Variants in BLOC1S2 observed in about 807,000 individuals in gnomAD.
BLOC1S2 encodes the protein biogenesis of lysosome-related organelles complex 1 subunit 2.
A neutral mutation model predicts 19.6 loss-of-function variants in BLOC1S2; 12 were observed. That is an observed-to-expected ratio of 0.61 (90% CI 0.39 to 0.99). The LOEUF is 0.99. BLOC1S2 is among the 50% of genes least tolerant of loss of function. The probability of loss-of-function intolerance (pLI) is 0.00; values close to 1 mark genes in which losing one functional copy is unlikely to be tolerated. For synonymous variants in BLOC1S2, 66 were observed against 64.1 expected, an observed-to-expected ratio of 1.03 and a Z score of -0.14; for missense variants, 142 against 171.0, an observed-to-expected ratio of 0.83 and a Z score of 0.95.
In BLOC1S2 at chr10:100,276,476, C is replaced by G. The variant is rs1394730812; in HGVS notation, c.398-983G>C. Reference sequence around the variant, plus strand: ...CTCTCCCTCTCCCGTCTCCCTCTCCCTCTCCCGTCTCCCTCTCCCTCTCCC... The same window carrying G: ...CTCTCCCTCTCCCGTCTCCCTCTCCGTCTCCCGTCTCCCTCTCCCTCTCCC... On this transcript the variant is annotated intron_variant, in intron 4 of 4. Coordinates refer to ENST00000370372, the MANE Select transcript of BLOC1S2 (RefSeq NM_173809.5). Among the ~76,000 whole-genome samples, 54 of 109,682 alleles carry G rather than the reference C, an allele frequency of 4.9e-4. 1 individual carries two copies. Among genetic ancestry groups the G allele is most frequent in the Admixed American group, 2.4e-3 (25 of 10,276 alleles). The allele number at this position is 109,682 out of a possible 152,430, so 72.0% of individuals were successfully genotyped here.
intron 2 of BLOC1S2, among the ~76,000 whole-genome samples, chr10:100,285,384 C>T (rs1183141069): frequency 6.6e-6 from 1 of 152,182 alleles, no homozygotes; most frequent in African/African-American, 2.4e-5. Context: ...GCCCCAGTCT[C>T]CCCAGTAGCT....
At chr10:100,282,221 T>A (rs1237765213) in intron 2 of BLOC1S2, among the ~76,000 whole-genome samples, 3 of 152,256 alleles carry the variant, frequency 2.0e-5, no homozygotes, top group Non-Finnish European at 4.4e-5. Context: ...ACTCTCTCTA[T>A]TCTGCTACAT....
At chr10:100,276,889 A>C (rs1218497921) in intron 4 of BLOC1S2, among the ~76,000 whole-genome samples, 1 of 152,160 alleles carries the variant, frequency 6.6e-6, no homozygotes, top group South Asian at 2.1e-4. Flanking sequence ...TGGCCCCCCC[A>C]AAGTGCGGAG....
intron 1 of BLOC1S2, 162 bp downstream of exon 1, chr10:100,286,443 T>A (rs1848243353): frequency 6.8e-7 from 1 of 1,474,882 alleles, no homozygotes; most frequent in African/African-American, 1.4e-5. Flanking sequence ...CCTGGCACCA[T>A]CCCAGTCACC....
At position 100,279,694 on chromosome 10, in the gene BLOC1S2, C is replaced by T. The variant is rs139260404; in HGVS notation, c.397+430G>A. Reference sequence around the variant, plus strand: ...GGGAGATCGAGACCAGCCTGACCAACATGAGAGACCCTGTCTCTACTAAAA... The same window carrying T: ...GGGAGATCGAGACCAGCCTGACCAATATGAGAGACCCTGTCTCTACTAAAA... On this transcript the variant is annotated intron_variant, in intron 4 of 4. Coordinates refer to ENST00000370372, the MANE Select transcript of BLOC1S2 (RefSeq NM_173809.5). 2.8e-3 allele frequency among the ~76,000 whole-genome samples: 420 copies of T among 152,250 alleles called. 2 individuals carry two copies. Among genetic ancestry groups the T allele is most frequent in the African/African-American group, 9.8e-3 (407 of 41,532 alleles).
In BLOC1S2 at chr10:100,277,071, C is replaced by A. The variant is rs1258316819; in HGVS notation, c.398-1578G>T. On this transcript the variant is annotated intron_variant, in intron 4 of 4. Coordinates refer to ENST00000370372, the MANE Select transcript of BLOC1S2 (RefSeq NM_173809.5). ...CTGGGAAGTGAGGAGCGCCTCCTCC[C>A]GGCCGCCATCCCATCTAGGAAGTGA... Among the ~76,000 whole-genome samples, 219 of 151,316 alleles carry A rather than the reference C, an allele frequency of 1.4e-3. 1 individual carries two copies. Among genetic ancestry groups the A allele is most frequent in the African/African-American group, 5.1e-3 (211 of 41,168 alleles).
rs555358728 is a variant in BLOC1S2, at chr10:100,275,790, C to A, written c.398-297G>T. ...GGGGCACATCTGTCACTTGACCTAT[C>A]GGGAGCCTTACTAAAAAACTGCCTC... is the stretch of plus-strand genomic sequence containing the variant. On this transcript the variant is annotated intron_variant, in intron 4 of 4. Transcript: ENST00000370372. Among the ~76,000 whole-genome samples the A allele has an allele frequency of 4.6e-5, 7 of 152,298 alleles. 1 individual carries two copies. Among genetic ancestry groups the A allele is most frequent in the African/African-American group, 1.7e-4 (7 of 41,560 alleles).
At chr10:100,280,574 GA>G (rs1487296724) in intron 3 of BLOC1S2, among the ~76,000 whole-genome samples, 4 of 152,114 alleles carry the variant, frequency 2.6e-5, no homozygotes, top group African/African-American at 9.7e-5. Flanking sequence ...TAAGTCAATG[GA>G]AAAAATATAT....
At chr10:100,282,315 T>C (rs1418552463) in intron 2 of BLOC1S2, among the ~76,000 whole-genome samples, 1 of 152,244 alleles carries the variant, frequency 6.6e-6, no homozygotes, top group Non-Finnish European at 1.5e-5. Flanking sequence ...ATCCTCTTCC[T>C]TACCATTTAC....
chr10:100,280,846 G>A lies in BLOC1S2; in HGVS notation c.292+88C>T, dbSNP rs894263747. Reference sequence around the variant, plus strand: ...AGAAAACAAGCTCCCACAAGACAAGGATGTCATGTTCCCTCCTCTTCTCCA... The same window carrying A: ...AGAAAACAAGCTCCCACAAGACAAGAATGTCATGTTCCCTCCTCTTCTCCA... On this transcript the variant is annotated intron_variant, in intron 3 of 4. Coordinates refer to ENST00000370372, the MANE Select transcript of BLOC1S2 (RefSeq NM_173809.5). 3 of 1,424,394 alleles carry A rather than the reference G, an allele frequency of 2.1e-6. No individual in the cohort carries two copies. In the African/African-American group the frequency reaches 4.4e-5, roughly 21 times the overall value. 88.2% of individuals were successfully genotyped at this position (1,424,394 alleles called of 1,614,324 possible).
intron 3 of BLOC1S2, 76 bp from the exon 4 acceptor site, chr10:100,280,304 T>C: frequency 7.6e-7 from 1 of 1,310,534 alleles, no homozygotes; most frequent in Non-Finnish European, 1.1e-6. Context: ...GGAAAAGTAA[T>C]AATGCTAGTG....
Position 100,273,411 on chromosome 10 carries a change from G to T in BLOC1S2, c.*2051C>A, listed in dbSNP as rs1266692418. ...TAAAAAAACTCATCCATTAAATTCT[G>T]TATTATCTTTGCAACTTTCCCGTAA... On this transcript the variant is annotated 3_prime_UTR_variant, in exon 5 of 5. Transcript: ENST00000370372. The T allele has an allele frequency of 1.3e-5, 2 of 152,064 alleles. No homozygotes were observed. The highest frequency in any genetic ancestry group is 2.9e-5 in the Non-Finnish European group (2 of 68,016). 9.4% of individuals were successfully genotyped at this position (152,064 alleles called of 1,614,324 possible).
intron 2 of BLOC1S2, 122 bp downstream of exon 2, chr10:100,285,975 A>G (rs1354245955): frequency 1.8e-5 from 24 of 1,359,932 alleles, no homozygotes; most frequent in Non-Finnish European, 2.4e-5. Context: ...GCCTCCCCCA[A>G]CTTCCAACAG....
At chr10:100,280,837 C>T in intron 3 of BLOC1S2, 97 bp downstream of exon 3, 1 of 1,397,112 alleles carries the variant, frequency 7.2e-7, no homozygotes, top group Non-Finnish European at 9.4e-7. Context: ...CAAGCTCCCA[C>T]AAGACAAGGA....
intron 4 of BLOC1S2, among the ~76,000 whole-genome samples, chr10:100,279,746 G>A (rs1044943299): frequency 6.6e-6 from 1 of 152,032 alleles, no homozygotes; most frequent in South Asian, 2.1e-4. Context: ...GCGTGGTGGC[G>A]CGCCTGTAAT....
chr10:100,283,172 C>T (rs953688165), intron 2 of BLOC1S2, among the ~76,000 whole-genome samples: 1 of 152,238 alleles, frequency 6.6e-6, no homozygotes, highest in Non-Finnish European at 1.5e-5. Flanking sequence ...TCTTGGTCTG[C>T]TTCCATCCCT....
chr10:100,286,522 G>A, intron 1 of BLOC1S2, 83 bp downstream of exon 1: 1 of 1,573,416 alleles, frequency 6.4e-7, no homozygotes, highest in Middle Eastern at 1.7e-4. Context: ...TGCCAGGTGA[G>A]CCACCACACA....
At position 100,273,591 on chromosome 10, in the gene BLOC1S2, T is replaced by C. The variant is rs1847777229; in HGVS notation, c.*1871A>G. The C allele has an allele frequency of 6.6e-6, 1 of 152,120 alleles. No individual in the cohort carries two copies. Among genetic ancestry groups the C allele is most frequent in the African/African-American group, 2.4e-5 (1 of 41,422 alleles). 9.4% of individuals were successfully genotyped at this position (152,120 alleles called of 1,614,324 possible). On this transcript the variant is annotated 3_prime_UTR_variant, in exon 5 of 5. Coordinates refer to ENST00000370372, the MANE Select transcript of BLOC1S2 (RefSeq NM_173809.5). ...GGCTCACACCTGTAATCCCAGCACT[T>C]TGGGAGGCCGAGGTGGGTGGATCAT...
intron 4 of BLOC1S2, among the ~76,000 whole-genome samples, chr10:100,277,402 A>C (rs1847924411): frequency 2.4e-5 from 3 of 126,194 alleles, no homozygotes; most frequent in African/African-American, 3.0e-5. Flanking sequence ...GGCCGCCCCT[A>C]CTGGGAAGTG....
Sources: allele counts gnomAD v4.1 joint callset (sites outside exome capture counted in the v4.1 genomes callset), GRCh38; gene constraint gnomAD v4.1.1; transcripts MANE v1.5; gene names NCBI Gene and HGNC (gene_info 2026-07-23, HGNC 2026-07-21).